The following NUP62 variants were observed in gnomAD, a reference collection of about 807,000 sequenced individuals.
NUP62 encodes nucleoporin 62.
For synonymous variants in NUP62, 305 were observed against 303.4 expected (o/e 1.01, Z -0.05); for missense variants, 647 against 689.4 (o/e 0.94, Z 0.69).
At chr19:49,914,114 C>T (rs184228461) in intron 2 of NUP62, among the ~76,000 whole-genome samples, 12 of 152,106 alleles carry the variant, frequency 7.9e-5, no homozygotes, top group African/African-American at 2.9e-4. Flanking sequence ...TTTCGGAGGC[C>T]AAGGCAGGAG....
chr19:49,915,888 G>A (rs2075611674), intron 2 of NUP62, among the ~76,000 whole-genome samples: 1 of 152,224 alleles, frequency 6.6e-6, no homozygotes, highest in African/African-American at 2.4e-5. Flanking sequence ...GAAGGACAAG[G>A]TTGCCTCCGA....
At chr19:49,918,904 G>C (rs1333494504) in intron 2 of NUP62, among the ~76,000 whole-genome samples, 4 of 148,542 alleles carry the variant, frequency 2.7e-5, no homozygotes, top group Admixed American at 6.7e-5. Context: ...CTGGGGGGGG[G>C]GGGGCGGGGT....
intron 2 of NUP62, among the ~76,000 whole-genome samples, chr19:49,926,855 CTTTT>C (rs57084948): frequency 1.3e-4 from 16 of 125,612 alleles, no homozygotes; most frequent in Non-Finnish European, 2.0e-4. Context: ...GAAGTAGGTA[CTTTT>C]TTTTTTTTTT....
chr19:49,911,187 C>G (rs184572957), intron 2 of NUP62: 1 of 152,364 alleles, frequency 6.6e-6, no homozygotes, highest in African/African-American at 2.4e-5. Context: ...CAGGCGTGAG[C>G]CCTAAAGATG....
In NUP62 at chr19:49,908,576, T is replaced by C. The variant is rs1248275136; in HGVS notation, c.1232A>G (p.Glu411Gly). ...CCCGCTCTGCTCCTTGACCAACTCC[T>C]CCAGTGGGCTCAGCAGGTCTTCCAG... ...KELEDLLSPLEELVKEQSGTI... is the reference protein window; with the variant it reads ...KELEDLLSPLGELVKEQSGTI... The change falls in exon 3 of 3, where the codon GAG becomes GGG. Residue 411 changes from glutamate (E) to glycine (G), a missense_variant. By Grantham distance (98) the Glu-to-Gly change is moderately conservative (BLOSUM62 -2). Transcript: ENST00000352066. The C allele has an allele frequency of 6.2e-7, 1 of 1,614,148 alleles. No individual in the cohort carries two copies. Among genetic ancestry groups the C allele is most frequent in the Admixed American group, 1.7e-5 (1 of 60,018 alleles).
At position 49,921,789 on chromosome 19, in the gene NUP62, G is replaced by C. The variant is rs1488296998; in HGVS notation, c.-78+5905C>G. On this transcript the variant is annotated intron_variant, in intron 2 of 2. Transcript: ENST00000352066. This position sits in a 1 kb window ranked among gnomAD's most constrained non-coding sequence, Gnocchi z 5.4. ...CCGACCATGACCATCCATCCTATGA[G>C]TGCTGGCTGGGCTCAAGCCCGGGTA... Among the ~76,000 whole-genome samples the C allele has an allele frequency of 6.6e-6, 1 of 152,192 alleles. No homozygotes were observed. The highest frequency in any genetic ancestry group is 2.4e-5 in the African/African-American group (1 of 41,444).
chr19:49,917,970 C>T (rs913863050), intron 2 of NUP62, among the ~76,000 whole-genome samples: 6 of 152,154 alleles, frequency 3.9e-5, no homozygotes, highest in South Asian at 2.1e-4. Context: ...CGCACTACTG[C>T]ACTCCAGCCT....
rs2075362048 is a variant in NUP62, at chr19:49,908,022, C to G, written c.*217G>C. The G allele has an allele frequency of 3.0e-6, 3 of 996,080 alleles. No homozygotes were observed. In the South Asian group the frequency reaches 5.3e-5, roughly 18 times the overall value. 61.7% of individuals were successfully genotyped at this position (996,080 alleles called of 1,614,324 possible). On this transcript the variant is annotated 3_prime_UTR_variant, in exon 3 of 3. Coordinates refer to ENST00000352066, the MANE Select transcript of NUP62 (RefSeq NM_016553.5). The stretch of plus-strand genomic sequence containing the variant: ...GCCAAAGATACTCAAATGAAAGCCA[C>G]AGAAGCCACACCCATGAGGCTGCTG...
intron 2 of NUP62, among the ~76,000 whole-genome samples, chr19:49,926,198 G>A (rs1600567362): frequency 8.6e-6 from 1 of 116,782 alleles, no homozygotes; most frequent in African/African-American, 3.5e-5. Flanking sequence ...AACAGAGCGA[G>A]ACTCTGTCTC....
At chr19:49,917,166 A>G (rs1294262032) in intron 2 of NUP62, among the ~76,000 whole-genome samples, 1 of 152,202 alleles carries the variant, frequency 6.6e-6, no homozygotes, top group Non-Finnish European at 1.5e-5. Context: ...AGTGGAGAGG[A>G]GAGAAACAAG....
At chr19:49,911,820 G>A (rs1568705848) in intron 2 of NUP62, among the ~76,000 whole-genome samples, 1 of 152,174 alleles carries the variant, frequency 6.6e-6, no homozygotes, top group Non-Finnish European at 1.5e-5. Context: ...GCTTTCCTGG[G>A]GGATTCTGAG....
chr19:49,919,453 T>G (rs2075711298), intron 2 of NUP62, among the ~76,000 whole-genome samples: 1 of 152,030 alleles, frequency 6.6e-6, no homozygotes, highest in Non-Finnish European at 1.5e-5. Context: ...CTCACCCGGG[T>G]AGATGAGGAA....
Position 49,929,310 on chromosome 19 carries a change from C to A in NUP62, c.-200+16G>T, listed in dbSNP as rs1451644100. The A allele has an allele frequency of 6.5e-6, 1 of 154,606 alleles. No homozygotes were observed. Among genetic ancestry groups the A allele is most frequent in the Non-Finnish European group, 1.4e-5 (1 of 69,874 alleles). The allele number at this position is 154,606 out of a possible 1,614,324, so 9.6% of individuals were successfully genotyped here. A position where few individuals can be genotyped will look rare whatever the true frequency, so the allele number is the denominator to read the frequency against. On this transcript the variant is annotated intron_variant, in intron 1 of 2. Transcript: ENST00000352066. ...GCCTCGACCCCTTTGTGCCCCCGGC[C>A]CGTCTCCGCGCTCACCACGCCTGCG...
intron 2 of NUP62, among the ~76,000 whole-genome samples, chr19:49,922,494 A>G (rs1170480314): frequency 1.3e-5 from 2 of 151,894 alleles, no homozygotes; most frequent in African/African-American, 2.4e-5. Flanking sequence ...CACTGCTTGT[A>G]AAGTCCAGCA....
In NUP62 at chr19:49,909,244, C is replaced by T. The variant is rs750854194; in HGVS notation, c.564G>A (p.Leu188=). Residue 188 remains leucine, a synonymous_variant, in exon 3 of 3, where the codon TTG becomes TTA. Coordinates refer to ENST00000352066, the MANE Select transcript of NUP62 (RefSeq NM_016553.5). ...CTGCTGGCGTGGCCGGAGTGAAGGG[C>T]AACGTGGCAGGTGCCGTGGGCTGGG... ...NSAQPTAPAT[L]PFTPATPAAT... 5.0e-6 allele frequency: 8 copies of T among 1,614,050 alleles called. No homozygotes were observed. The highest frequency in any genetic ancestry group is 2.2e-5 in the East Asian group (1 of 44,876).
chr19:49,923,075 CT>C (rs34122194), intron 2 of NUP62, among the ~76,000 whole-genome samples: 6 of 151,332 alleles, frequency 4.0e-5, no homozygotes, highest in Admixed American at 2.0e-4. Flanking sequence ...TGCTGTGTCC[CT>C]TTTTTTTTGC....
At chr19:49,923,959 A>G (rs1310792271) in intron 2 of NUP62, among the ~76,000 whole-genome samples, 1 of 152,250 alleles carries the variant, frequency 6.6e-6, no homozygotes, top group Non-Finnish European at 1.5e-5. Context: ...TGTCTGATGC[A>G]AAACTCGGAG....
intron 2 of NUP62, among the ~76,000 whole-genome samples, chr19:49,915,079 G>A (rs1474427087): frequency 1.3e-5 from 2 of 151,904 alleles, no homozygotes; most frequent in Non-Finnish European, 2.9e-5. Flanking sequence ...AGGAGTCTGT[G>A]CCTGGGAAAG....
chr19:49,914,004 CA>C (rs1401800942), intron 2 of NUP62, among the ~76,000 whole-genome samples: 2 of 152,118 alleles, frequency 1.3e-5, no homozygotes, highest in Non-Finnish European at 2.9e-5. Flanking sequence ...GACAGCATCA[CA>C]ATTTGAGCAA....
Sources: gnomAD v4.1 joint callset for allele counts (sites outside exome capture counted in the v4.1 genomes callset) on GRCh38, gnomAD v4.1.1 for gene constraint, Gnocchi (gnomAD v3.1) non-coding constraint, MANE v1.5 for transcripts, NCBI Gene and HGNC (gene_info 2026-07-23, HGNC 2026-07-21) for gene names.